The following DPP6 variants were observed in gnomAD, a reference collection of about 807,000 sequenced individuals.
The protein encoded by DPP6 is dipeptidyl peptidase like 6, also known as A-type potassium channel modulatory protein DPP6.
In DPP6, 69 loss-of-function variants were observed where a neutral mutation model predicts 122.6. The ratio of observed to expected loss-of-function variants is 0.56; its 90% CI spans 0.46 to 0.69. DPP6 has a LOEUF of 0.69. DPP6 is among the 30% of genes least tolerant of loss of function. The pLI is 0.00. For missense variants in DPP6, 928 were observed against 1,116.9 expected, an observed-to-expected ratio of 0.83 and a Z score of 2.41; for synonymous variants, 418 against 433.1, an observed-to-expected ratio of 0.97 and a Z score of 0.43.
chr7:154,093,310 C>T (rs200579271), intron 1 of DPP6, among the ~76,000 whole-genome samples: 82 of 142,816 alleles, frequency 5.7e-4, no homozygotes, highest in Middle Eastern at 3.5e-3. Flanking sequence ...AATACCACAC[C>T]ACATGCCACA....
chr7:154,004,814 C>A (rs1390283899), intron 1 of DPP6, among the ~76,000 whole-genome samples: 1 of 152,148 alleles, frequency 6.6e-6, no homozygotes, highest in East Asian at 1.9e-4. Context: ...TTTAACTTTT[C>A]ATTTGTTCCC....
At chr7:154,889,557 G>T in intron 25 of DPP6, 27 bp downstream of exon 25, 1 of 1,583,620 alleles carries the variant, frequency 6.3e-7, no homozygotes. Flanking sequence ...ACTCTGTTTT[G>T]AACCTGGAGC....
intron 2 of DPP6, among the ~76,000 whole-genome samples, chr7:154,463,075 TCCAAGAACCAAGGCCTAGAATTGGGGACC>T (rs1344038444): frequency 2.6e-5 from 4 of 151,762 alleles, no homozygotes; most frequent in African/African-American, 9.7e-5. Flanking sequence ...AGAAATATCA[TCCAAGAACCAAGGCCTAGAATTGGGGACC>T]CCAAGAGCCC....
chr7:154,647,890 G>T (rs1402156951), intron 6 of DPP6, among the ~76,000 whole-genome samples: 4 of 152,094 alleles, frequency 2.6e-5, no homozygotes, highest in African/African-American at 9.6e-5. Context: ...AAGGCCCATG[G>T]GTGTCTCCCT....
In DPP6 at chr7:154,271,388, G is replaced by A. The variant is rs545527100; in HGVS notation, c.244-174826G>A. ...GAGGAAGAGCCTATTGAAATCAGAC[G>A]TGGGCAGGTGTTGAGTTCTACTGTG... On this transcript the variant is annotated intron_variant, in intron 1 of 25. Transcript: ENST00000377770. 2.6e-5 allele frequency among the ~76,000 whole-genome samples: 4 copies of A among 152,248 alleles called. No individual in the cohort carries two copies. The South Asian group carries it at 6.2e-4, about 24-fold the overall frequency.
chr7:154,623,651 A>ACACACCCACGCG (rs1554413309), intron 5 of DPP6, among the ~76,000 whole-genome samples: 8 of 144,672 alleles, frequency 5.5e-5, no homozygotes, highest in East Asian at 2.0e-4. Flanking sequence ...ACGCGCACAC[A>ACACACCCACGCG]CGCGCACACA....
chr7:154,780,276 A>C (rs1427222819), intron 10 of DPP6, among the ~76,000 whole-genome samples: 1 of 152,218 alleles, frequency 6.6e-6, no homozygotes, highest in Non-Finnish European at 1.5e-5. Context: ...TGGGATCATT[A>C]ATAAAAATGT....
chr7:154,631,955 C>G (rs918599758), intron 5 of DPP6, among the ~76,000 whole-genome samples: 1 of 152,146 alleles, frequency 6.6e-6, no homozygotes, highest in East Asian at 1.9e-4. Context: ...GAACAATTTG[C>G]AAATTGGGCA....
At chr7:154,014,457 C>G (rs1323345492) in intron 1 of DPP6, among the ~76,000 whole-genome samples, 3 of 150,668 alleles carry the variant, frequency 2.0e-5, no homozygotes, top group Non-Finnish European at 2.9e-5. Context: ...GAGTTCGAGA[C>G]CAACCTGCCC....
the DPP6 span, among the ~76,000 whole-genome samples, chr7:153,813,178 C>A: frequency 2.4e-5 from 3 of 122,826 alleles, no homozygotes; most frequent in Non-Finnish European, 3.5e-5. Flanking sequence ...CTTCCCCCAT[C>A]CCCCCACCCT....
At chr7:154,023,873 G>C (rs903080277) in intron 1 of DPP6, among the ~76,000 whole-genome samples, 5 of 150,214 alleles carry the variant, frequency 3.3e-5, no homozygotes, top group Non-Finnish European at 7.4e-5. Context: ...CAAAAATTGA[G>C]AAAATAGTTA....
chr7:154,063,831 C>T (rs960132477), intron 1 of DPP6, among the ~76,000 whole-genome samples: 4 of 151,404 alleles, frequency 2.6e-5, no homozygotes, highest in South Asian at 2.1e-4. Context: ...AATCTTCCGA[C>T]GGCAAGTGCA....
intron 4 of DPP6, among the ~76,000 whole-genome samples, chr7:154,549,435 A>T (rs1829464061): frequency 6.6e-6 from 1 of 152,192 alleles, no homozygotes. Flanking sequence ...ATCCTTTTCA[A>T]TGTCAGTAGA....
chr7:154,780,549 T>C (rs970498255), intron 10 of DPP6, among the ~76,000 whole-genome samples: 4 of 152,232 alleles, frequency 2.6e-5, no homozygotes, highest in Non-Finnish European at 2.9e-5. Flanking sequence ...CAAAACAGTC[T>C]TGACATCTGA....
intron 3 of DPP6, among the ~76,000 whole-genome samples, chr7:154,528,697 T>C (rs79385287): frequency 0.028 from 4,293 of 152,326 alleles, 94 homozygotes; most frequent in South Asian, 0.082. Flanking sequence ...CAAATAACTC[T>C]ATCATGCTGT....
At chr7:154,235,086 G>A (rs527263623) in intron 1 of DPP6, among the ~76,000 whole-genome samples, 1 of 152,322 alleles carries the variant, frequency 6.6e-6, no homozygotes, top group East Asian at 1.9e-4. Context: ...ACGTTGTTTA[G>A]CCTATGCACA....
At chr7:154,052,103 C>A (rs1430799020), upstream of DPP6, among the ~76,000 whole-genome samples, 1 of 108,416 alleles carries the variant, frequency 9.2e-6, no homozygotes, top group Non-Finnish European at 2.2e-5. This position sits in a 1 kb window ranked among gnomAD's most constrained non-coding sequence, Gnocchi z 4.8. Context: ...ACCGTCCGCT[C>A]GCGTGCTGCG....
At chr7:154,747,107 T>C (rs1308575038) in intron 8 of DPP6, among the ~76,000 whole-genome samples, 1 of 152,122 alleles carries the variant, frequency 6.6e-6, no homozygotes, top group Non-Finnish European at 1.5e-5. Flanking sequence ...CCTCATGAGC[T>C]CACTCTGAGT....
At chr7:154,511,046 C>G (rs1826052915) in intron 3 of DPP6, among the ~76,000 whole-genome samples, 2 of 151,894 alleles carry the variant, frequency 1.3e-5, no homozygotes, top group South Asian at 4.2e-4. Context: ...AGTAAATATT[C>G]TTGCATGTTC....
Sources: gnomAD v4.1 joint callset for allele counts (sites outside exome capture counted in the v4.1 genomes callset) on GRCh38, gnomAD v4.1.1 for gene constraint, Gnocchi (gnomAD v3.1) non-coding constraint, MANE v1.5 for transcripts, NCBI Gene and HGNC (gene_info 2026-07-23, HGNC 2026-07-21) for gene names.